MAP6: variants seen among roughly 807,000 people sequenced by gnomAD.
MAP6 encodes the protein microtubule associated protein 6.
Under a neutral mutation model 42.4 loss-of-function variants are expected in MAP6, and 26 were observed. That is an observed-to-expected ratio of 0.61 (90% CI 0.45 to 0.85). The LOEUF is 0.85. Ranked by LOEUF, MAP6 falls within the 40% of genes least tolerant of loss-of-function variation. MAP6 has a pLI of 0.00. For missense variants in MAP6, 966 were observed against 1,099.0 expected (o/e 0.88, Z 1.71); for synonymous variants, 418 against 443.8 (o/e 0.94, Z 0.73).
At chr11:75,639,809 G>C (rs1293756354) in intron 1 of MAP6, among the ~76,000 whole-genome samples, 1 of 152,194 alleles carries the variant, frequency 6.6e-6, no homozygotes, top group East Asian at 1.9e-4. Context: ...CACACAGAGA[G>C]ATTACTGTTC....
chr11:75,659,930 C>T (rs1272224248), intron 1 of MAP6, among the ~76,000 whole-genome samples: 1 of 152,140 alleles, frequency 6.6e-6, no homozygotes, highest in Non-Finnish European at 1.5e-5. Context: ...AAGAATTAAT[C>T]GTATATATCT....
intron 3 of MAP6, chr11:75,599,073 C>A (rs1249659269): frequency 2.0e-5 from 3 of 152,082 alleles, no homozygotes; most frequent in Non-Finnish European, 4.4e-5. Flanking sequence ...CACGAGGAGC[C>A]CACGGATGGT....
chr11:75,625,090 G>A (rs1263842011), intron 1 of MAP6, among the ~76,000 whole-genome samples: 2 of 152,170 alleles, frequency 1.3e-5, no homozygotes, highest in African/African-American at 4.8e-5. Flanking sequence ...GAATCTCAGG[G>A]CAGTTTTAGA....
intron 3 of MAP6, among the ~76,000 whole-genome samples, chr11:75,602,000 T>C (rs1942671583): frequency 6.6e-6 from 1 of 151,844 alleles, no homozygotes; most frequent in African/African-American, 2.4e-5. Context: ...GTCTCAGTCA[T>C]CCTGGTTTCC....
chr11:75,622,598 C>T (rs1943129304), intron 1 of MAP6, among the ~76,000 whole-genome samples: 1 of 152,098 alleles, frequency 6.6e-6, no homozygotes, highest in Non-Finnish European at 1.5e-5. Context: ...TATCAAAATC[C>T]CAGCAGGACT....
chr11:75,618,655 C>T (rs1943046813), intron 1 of MAP6, among the ~76,000 whole-genome samples: 1 of 152,130 alleles, frequency 6.6e-6, no homozygotes, highest in Admixed American at 6.5e-5. Flanking sequence ...CTCTCACCTG[C>T]TTCCTCAGAT....
rs553283873 is a variant in MAP6 at position 75,640,868 on chromosome 11, A to G, written c.905+26597T>C. 1.4e-3 allele frequency among the ~76,000 whole-genome samples: 207 copies of G among 152,238 alleles called. 1 individual carries two copies. Among genetic ancestry groups the G allele is most frequent in the African/African-American group, 4.7e-3 (197 of 41,538 alleles). On this transcript the variant is annotated intron_variant, in intron 1 of 3. Coordinates refer to ENST00000304771, the MANE Select transcript of MAP6 (RefSeq NM_033063.2). Reference sequence around the variant, plus strand: ...GGAGAGGATGTGGAGAAATAGGAACACTTTTACACTGTTGGTGGGACTGTA... The same window carrying G: ...GGAGAGGATGTGGAGAAATAGGAACGCTTTTACACTGTTGGTGGGACTGTA...
At position 75,612,554 on chromosome 11, in the gene MAP6, G is replaced by C. The variant is rs548232885; in HGVS notation, c.906-4232C>G. On this transcript the variant is annotated intron_variant, in intron 1 of 3. Transcript: ENST00000304771. ...TCTGAGTCTGTATGGCAGGTTCAGAGAGAGCAGGTGAACTGATCAGGGTGG... is the reference window on the plus strand; with the variant it reads ...TCTGAGTCTGTATGGCAGGTTCAGACAGAGCAGGTGAACTGATCAGGGTGG... 5.3e-5 allele frequency among the ~76,000 whole-genome samples: 8 copies of C among 152,338 alleles called. No homozygotes were observed. In the South Asian group the frequency reaches 1.7e-3, roughly 32 times the overall value.
At chr11:75,608,679 T>C (rs1031803785) in intron 1 of MAP6, among the ~76,000 whole-genome samples, 1 of 152,154 alleles carries the variant, frequency 6.6e-6, no homozygotes, top group Non-Finnish European at 1.5e-5. Flanking sequence ...AGTCAAAAAA[T>C]ATTGAGTGCC....
chr11:75,601,509 A>T (rs1209018820), intron 3 of MAP6, among the ~76,000 whole-genome samples: 1 of 152,050 alleles, frequency 6.6e-6, no homozygotes, highest in Non-Finnish European at 1.5e-5. Context: ...CCACCCTTGA[A>T]TGATTTCTAC....
Position 75,667,896 on chromosome 11 carries a change from C to T in MAP6, c.474G>A (p.Lys158=). The change falls in exon 1 of 4, where the codon AAG becomes AAA. Residue 158 remains lysine, a synonymous_variant. Coordinates refer to ENST00000304771, the MANE Select transcript of MAP6 (RefSeq NM_033063.2). This position sits in a 1 kb window ranked among gnomAD's most constrained non-coding sequence, Gnocchi z 5.6. The part of the protein sequence containing the change: ...APFERETQYQ[K]DFRAWPLPRR... ...GCGGCAGCGGCCAGGCGCGGAAGTCCTTCTGGTACTGGGTCTCGCGCTCGA... is the reference window on the plus strand; with the variant it reads ...GCGGCAGCGGCCAGGCGCGGAAGTCTTTCTGGTACTGGGTCTCGCGCTCGA... The T allele has an allele frequency of 7.0e-7, 1 of 1,438,010 alleles. No individual in the cohort carries two copies. The highest frequency in any genetic ancestry group is 2.9e-5 in the East Asian group (1 of 34,472). The allele number at this position is 1,438,010 out of a possible 1,614,324, so 89.1% of individuals were successfully genotyped here. A position where few individuals can be genotyped will look rare whatever the true frequency, so the allele number is the denominator to read the frequency against.
At chr11:75,600,426 T>C (rs1405664367) in intron 3 of MAP6, among the ~76,000 whole-genome samples, 3 of 152,180 alleles carry the variant, frequency 2.0e-5, no homozygotes, top group African/African-American at 7.2e-5. Context: ...GTTCTCCCTG[T>C]TGTAGGAATT....
At chr11:75,610,430 CTGGGTGCTA>C (rs1942874979) in intron 1 of MAP6, among the ~76,000 whole-genome samples, 1 of 152,190 alleles carries the variant, frequency 6.6e-6, no homozygotes, top group Admixed American at 6.5e-5. Flanking sequence ...TAACAGGATG[CTGGGTGCTA>C]TGGAACCCAA....
At chr11:75,623,551 T>C (rs376893954) in intron 1 of MAP6, among the ~76,000 whole-genome samples, 4 of 152,212 alleles carry the variant, frequency 2.6e-5, no homozygotes, top group South Asian at 2.1e-4. Context: ...GTCTGACTTA[T>C]ACTGTGATCT....
chr11:75,661,148 G>A (rs1323901216), intron 1 of MAP6, among the ~76,000 whole-genome samples: 1 of 151,910 alleles, frequency 6.6e-6, no homozygotes, highest in Non-Finnish European at 1.5e-5. Context: ...TATCAACACT[G>A]GCTCAAGAAG....
At chr11:75,629,166 C>A (rs1943244251) in intron 1 of MAP6, among the ~76,000 whole-genome samples, 2 of 152,226 alleles carry the variant, frequency 1.3e-5, no homozygotes, top group Admixed American at 1.3e-4. Flanking sequence ...CGGCTCACTG[C>A]AAATTCCGCC....
intron 1 of MAP6, among the ~76,000 whole-genome samples, chr11:75,633,499 C>G (rs1943317166): frequency 6.6e-6 from 1 of 152,168 alleles, no homozygotes; most frequent in Admixed American, 6.5e-5. Flanking sequence ...AAAGTCCCTG[C>G]CCTCTTGGAG....
At chr11:75,603,671 A>T (rs1462633138) in intron 3 of MAP6, 1 of 985,218 alleles carries the variant, frequency 1.0e-6, no homozygotes, top group Non-Finnish European at 1.2e-6. Flanking sequence ...TGACTTGGTC[A>T]TAGGGATCAA....
chr11:75,620,858 C>T (rs1287204169), intron 1 of MAP6, among the ~76,000 whole-genome samples: 1 of 152,048 alleles, frequency 6.6e-6, no homozygotes, highest in Non-Finnish European at 1.5e-5. Context: ...AGACCGGGCA[C>T]GGTGGCTCAC....
Sources: allele counts gnomAD v4.1 joint callset (sites outside exome capture counted in the v4.1 genomes callset), GRCh38; gene constraint gnomAD v4.1.1; non-coding constraint Gnocchi (gnomAD v3.1); transcripts MANE v1.5; gene names NCBI Gene and HGNC (gene_info 2026-07-23, HGNC 2026-07-21).